Variants in GLP2R observed in about 807,000 individuals in gnomAD.
GLP2R encodes glucagon like peptide 2 receptor, also known as glucagon-like peptide 2 receptor.
In GLP2R, 59 loss-of-function variants were observed where a neutral mutation model predicts 68.2. The observed-to-expected ratio is 0.87, with a 90% CI of 0.70 to 1.07. GLP2R has a LOEUF of 1.07. GLP2R is among the 50% of genes least tolerant of loss of function. The pLI is 0.00. For missense variants in GLP2R, 548 were observed against 677.4 expected (o/e 0.81, Z 2.12); for synonymous variants, 270 against 265.4 (o/e 1.02, Z -0.17).
At chr17:9,869,658 G>T (rs1342933070) in intron 9 of GLP2R, among the ~76,000 whole-genome samples, 1 of 152,144 alleles carries the variant, frequency 6.6e-6, no homozygotes, top group Non-Finnish European at 1.5e-5. Flanking sequence ...GTTACCCCAC[G>T]TGGATCTCCC....
intron 4 of GLP2R, among the ~76,000 whole-genome samples, chr17:9,850,020 T>C (rs151136291): frequency 1.7e-4 from 26 of 152,332 alleles, no homozygotes; most frequent in Admixed American, 1.7e-3. Flanking sequence ...AGAAGTGGGA[T>C]CACTGGATTA....
At chr17:9,882,401 G>T (rs1342122760) in intron 11 of GLP2R, among the ~76,000 whole-genome samples, 1 of 152,188 alleles carries the variant, frequency 6.6e-6, no homozygotes, top group African/African-American at 2.4e-5. Context: ...GAATGAGACA[G>T]CCACAGTGGG....
At chr17:9,852,706 G>T (rs1162883618) in intron 4 of GLP2R, 2 of 243,296 alleles carry the variant, frequency 8.2e-6, no homozygotes, top group Non-Finnish European at 1.6e-5. Flanking sequence ...TTTCCATTCT[G>T]GTTTGATTTT....
Position 9,825,976 on chromosome 17 carries a change from A to G in GLP2R, c.-88A>G. On this transcript the variant is annotated 5_prime_UTR_variant, in exon 1 of 13. Transcript: ENST00000262441. The stretch of plus-strand genomic sequence containing the variant: ...ATTTGTGCAAACATTTCCTCTGTGG[A>G]CCAAGAGGAATGCAAGAGGAGGCTG... 1 of 1,059,344 alleles carries G rather than the reference A, an allele frequency of 9.4e-7. No individual in the cohort carries two copies. The allele number at this position is 1,059,344 out of a possible 1,614,324, so 65.6% of individuals were successfully genotyped here.
intron 4 of GLP2R, among the ~76,000 whole-genome samples, chr17:9,850,530 A>G (rs1445003719): frequency 6.6e-6 from 1 of 152,048 alleles, no homozygotes; most frequent in Non-Finnish European, 1.5e-5. Flanking sequence ...AAGATTTGGT[A>G]TGTTTCTATA....
At chr17:9,873,799 A>G (rs1374365987) in intron 10 of GLP2R, among the ~76,000 whole-genome samples, 4 of 152,020 alleles carry the variant, frequency 2.6e-5, no homozygotes, top group African/African-American at 9.7e-5. Flanking sequence ...ACTCTATTGC[A>G]CTCTGCAGAA....
chr17:9,831,632 T>A (rs1305097119), intron 1 of GLP2R, among the ~76,000 whole-genome samples: 1 of 151,996 alleles, frequency 6.6e-6, no homozygotes, highest in Non-Finnish European at 1.5e-5. Context: ...GGATGAGAAG[T>A]CATGAAGGAG....
At chr17:9,851,883 A>C (rs1206325705) in intron 4 of GLP2R, among the ~76,000 whole-genome samples, 1 of 152,090 alleles carries the variant, frequency 6.6e-6, no homozygotes, top group African/African-American at 2.4e-5. Flanking sequence ...AAATTCCCCA[A>C]ATATTAAAAA....
At chr17:9,846,701 A>G (rs746340011) in intron 4 of GLP2R, among the ~76,000 whole-genome samples, 6 of 152,236 alleles carry the variant, frequency 3.9e-5, no homozygotes, top group Admixed American at 1.3e-4. Context: ...AAGTTTCTTT[A>G]ACTTTGGTGT....
At chr17:9,874,312 T>C (rs1288769779) in intron 10 of GLP2R, among the ~76,000 whole-genome samples, 1 of 152,062 alleles carries the variant, frequency 6.6e-6, no homozygotes, top group East Asian at 1.9e-4. Context: ...ATGCAGTCTG[T>C]CTGGAAATTC....
chr17:9,830,438 T>A (rs940308395), intron 1 of GLP2R, among the ~76,000 whole-genome samples: 1 of 152,258 alleles, frequency 6.6e-6, no homozygotes, highest in African/African-American at 2.4e-5. Context: ...TAAAGATGTT[T>A]ACTTCTTTAA....
chr17:9,864,486 T>G (rs1056454475), intron 9 of GLP2R, among the ~76,000 whole-genome samples: 15 of 150,032 alleles, frequency 1.0e-4, no homozygotes, highest in South Asian at 2.1e-4. Context: ...TTTTCTGTTT[T>G]TTTGTTTGTT....
At chr17:9,833,419 C>T (rs76577535) in intron 1 of GLP2R, among the ~76,000 whole-genome samples, 2,781 of 152,288 alleles carry the variant, frequency 0.018, 76 homozygotes, top group African/African-American at 0.063. Context: ...TTCTGCAATC[C>T]TCTGGTCCTT....
At chr17:9,885,577 T>A (rs1050092675) in intron 11 of GLP2R, among the ~76,000 whole-genome samples, 1 of 152,020 alleles carries the variant, frequency 6.6e-6, no homozygotes, top group East Asian at 1.9e-4. Context: ...TTCTCCTCCA[T>A]GTGGCCTCTC....
chr17:9,864,548 A>G (rs946937710), intron 9 of GLP2R, among the ~76,000 whole-genome samples: 4 of 151,328 alleles, frequency 2.6e-5, no homozygotes, highest in African/African-American at 7.3e-5. Flanking sequence ...TTTGAGACGG[A>G]GTCTTGCTTT....
At chr17:9,855,169 A>T (rs775804593) in intron 5 of GLP2R, among the ~76,000 whole-genome samples, 4 of 152,214 alleles carry the variant, frequency 2.6e-5, no homozygotes, top group Admixed American at 6.5e-5. Context: ...TAATTTGCTC[A>T]TTGGCTACCT....
At chr17:9,865,517 T>C (rs1225098851) in intron 9 of GLP2R, among the ~76,000 whole-genome samples, 1 of 152,178 alleles carries the variant, frequency 6.6e-6, no homozygotes, top group Non-Finnish European at 1.5e-5. Context: ...CTTAGAGTCA[T>C]TCCCTCTCTA....
chr17:9,833,092 C>T (rs1207074924), intron 1 of GLP2R, among the ~76,000 whole-genome samples: 3 of 151,984 alleles, frequency 2.0e-5, no homozygotes, highest in Admixed American at 6.6e-5. Context: ...GAAAACCCAT[C>T]GCTACTAAAA....
intron 5 of GLP2R, among the ~76,000 whole-genome samples, chr17:9,855,347 G>A (rs1597388818): frequency 6.6e-6 from 1 of 152,256 alleles, no homozygotes; most frequent in Admixed American, 6.5e-5. Flanking sequence ...AAAGCCAGTT[G>A]GCTACACAGC....
Sources: gnomAD v4.1 joint callset for allele counts (sites outside exome capture counted in the v4.1 genomes callset) on GRCh38, gnomAD v4.1.1 for gene constraint, MANE v1.5 for transcripts, NCBI Gene and HGNC (gene_info 2026-07-23, HGNC 2026-07-21) for gene names.